Variants in CELA3B observed in about 807,000 individuals in gnomAD.
CELA3B encodes chymotrypsin like elastase 3B.
A neutral mutation model predicts 37.2 loss-of-function variants in CELA3B; 34 were observed. The observed-to-expected ratio is 0.91, with a 90% CI of 0.70 to 1.22. The LOEUF (loss-of-function observed/expected upper bound fraction) is 1.22. Among genes scored for constraint, CELA3B ranks in the 50% most tolerant of loss-of-function variants. CELA3B has a pLI of 0.00. For synonymous variants in CELA3B, 127 were observed against 143.5 expected, an observed-to-expected ratio of 0.89 and a Z score of 0.82; for missense variants, 340 against 363.1, an observed-to-expected ratio of 0.94 and a Z score of 0.52.
At chr1:21,998,266 A>G (rs1347281343) in exon 5 of CELA3B, 2 of 460,038 alleles carry the variant, frequency 4.3e-6, no homozygotes, top group African/African-American at 4.1e-5. Context: ...GACAATTTGA[A>G]CTTTGTTTGA....
intron 1 of CELA3B, 105 bp from the exon 2 acceptor site, chr1:21,978,264 T>C (rs1644782943): frequency 1.6e-6 from 2 of 1,221,508 alleles, no homozygotes; most frequent in South Asian, 1.2e-5. Context: ...GGGGCTTGCA[T>C]GGGGTCACAC....
chr1:21,979,446 TTC>T (rs1644791584), intron 2 of CELA3B, among the ~76,000 whole-genome samples: 1 of 104,428 alleles, frequency 9.6e-6, no homozygotes, highest in African/African-American at 3.7e-5. Flanking sequence ...TTCTTTTCTT[TTC>T]TTTTCTTTTT....
At chr1:21,987,632 G>C (rs1389545236) in intron 7 of CELA3B, 1 of 151,166 alleles carries the variant, frequency 6.6e-6, no homozygotes, top group Non-Finnish European at 1.5e-5. Context: ...CCTGGGAGTG[G>C]GGACCACCAG....
chr1:21,997,637 C>T (rs911041118), intron 4 of CELA3B, among the ~76,000 whole-genome samples: 24 of 149,752 alleles, frequency 1.6e-4, no homozygotes, highest in Non-Finnish European at 2.7e-4. Context: ...GGCAGTGAGC[C>T]GAGATCTAGC....
chr1:21,986,846 T>C (rs1395149999), intron 7 of CELA3B, 163 bp downstream of exon 7: 1 of 791,532 alleles, frequency 1.3e-6, no homozygotes, highest in Non-Finnish European at 2.0e-6. Context: ...TGTTTTCTGA[T>C]ACAGTGTGAC....
downstream of CELA3B, among the ~76,000 whole-genome samples, chr1:21,992,842 G>A (rs1043410014): frequency 6.6e-6 from 1 of 150,846 alleles, no homozygotes; most frequent in African/African-American, 2.5e-5. Context: ...ACACATGCCT[G>A]TAGTCCCAGC....
chr1:21,986,597 A>T lies in CELA3B; in HGVS notation c.709A>T (p.Ser237Cys). 6.2e-7 allele frequency: 1 copy of T among 1,614,082 alleles called. No homozygotes were observed. The highest frequency in any genetic ancestry group is 1.7e-5 in the Admixed American group (1 of 59,992). The change falls in exon 7 of 8, where the codon AGC (serine) becomes TGC (cysteine). Residue 237 changes from serine to cysteine, a missense_variant. Coordinates refer to ENST00000337107, the MANE Select transcript of CELA3B (RefSeq NM_007352.4). ...DGGWQVHGVT[S>C]FVSAFGCNTR... is the part of the protein sequence containing the mutation. ...TGGCTGGCAGGTCCATGGCGTGACC[A>T]GCTTTGTTTCTGCCTTTGGCTGCAA...
At chr1:21,992,074 C>T (rs550158690), downstream of CELA3B, among the ~76,000 whole-genome samples, 545 of 150,064 alleles carry the variant, frequency 3.6e-3, 12 homozygotes, top group Non-Finnish European at 6.1e-3. Context: ...GAGCTGAGAT[C>T]ATGCCATTGC....
Position 21,978,431 on chromosome 1 carries a change from G to A in CELA3B, c.106G>A (p.Val36Ile). 6.2e-7 allele frequency: 1 copy of A among 1,614,082 alleles called. No homozygotes were observed. Among genetic ancestry groups the A allele is most frequent in the South Asian group, 1.1e-5 (1 of 91,064 alleles). ...CCGCGTTGTCAATGGTGAGGATGCG[G>A]TCCCCTACAGCTGGCCCTGGCAGGT... The part of the protein sequence containing the change: ...SSRVVNGEDA[V>I]PYSWPWQVSL... The change falls in exon 2 of 8, where the codon GTC (valine) becomes ATC (isoleucine). Residue 36 changes from valine (V) to isoleucine (I), a missense_variant. Transcript: ENST00000337107.
intron 4 of CELA3B, among the ~76,000 whole-genome samples, chr1:21,995,047 A>G (rs904465750): frequency 6.8e-6 from 1 of 147,902 alleles, no homozygotes; most frequent in African/African-American, 2.5e-5. Flanking sequence ...TCACTTAGGC[A>G]GAGTGTCCTG....
intron 6 of CELA3B, among the ~76,000 whole-genome samples, chr1:21,984,902 G>A (rs1644828647): frequency 6.6e-6 from 1 of 151,604 alleles, no homozygotes; most frequent in Admixed American, 6.6e-5. Flanking sequence ...AGTGGAGATC[G>A]CACCATTGCA....
At chr1:21,989,663 A>G (rs944804885), downstream of CELA3B, among the ~76,000 whole-genome samples, 3 of 150,894 alleles carry the variant, frequency 2.0e-5, no homozygotes, top group African/African-American at 4.9e-5. Flanking sequence ...GCATATAAAC[A>G]TGGTAAAAAT....
chr1:21,980,380 G>C (rs1644796999), intron 2 of CELA3B, among the ~76,000 whole-genome samples: 1 of 152,226 alleles, frequency 6.6e-6, no homozygotes. Flanking sequence ...TGTGCAGGCT[G>C]AGGCAGGAGA....
At chr1:21,978,699 T>A (rs1316512804) in intron 2 of CELA3B, among the ~76,000 whole-genome samples, 33 of 151,320 alleles carry the variant, frequency 2.2e-4, no homozygotes, top group African/African-American at 7.6e-4. Flanking sequence ...ACTCAAGGAG[T>A]TGGCACACTG....
At chr1:21,988,630 G>A (rs1403444032) in intron 7 of CELA3B, among the ~76,000 whole-genome samples, 12 of 145,112 alleles carry the variant, frequency 8.3e-5, no homozygotes, top group East Asian at 4.0e-4. Flanking sequence ...GGTGGCTCAT[G>A]CCTGTAATCC....
At chr1:21,977,161 C>T in intron 1 of CELA3B, 79 bp downstream of exon 1, 2 of 1,591,096 alleles carry the variant, frequency 1.3e-6, no homozygotes, top group Non-Finnish European at 1.7e-6. Context: ...TGCTCTAAGT[C>T]CCATGACACC....
intron 4 of CELA3B, among the ~76,000 whole-genome samples, chr1:21,994,998 C>T (rs1163499567): frequency 1.7e-4 from 7 of 40,110 alleles, no homozygotes; most frequent in East Asian, 1.4e-3. Context: ...TGAGACTTGT[C>T]TCAAAAAAAA....
At chr1:21,977,116 C>T (rs771483425) in intron 1 of CELA3B, 34 bp downstream of exon 1, 1 of 1,613,936 alleles carries the variant, frequency 6.2e-7, no homozygotes, top group South Asian at 1.1e-5. Context: ...GCTCCCTGGG[C>T]TGCCCTAGAT....
At chr1:21,990,017 G>A (rs570433844), downstream of CELA3B, among the ~76,000 whole-genome samples, 88 of 150,940 alleles carry the variant, frequency 5.8e-4, 2 homozygotes, top group African/African-American at 1.4e-3. Flanking sequence ...AGATGAAGGG[G>A]AAGCAAGGGA....
Sources: allele counts gnomAD v4.1 joint callset (sites outside exome capture counted in the v4.1 genomes callset), GRCh38; gene constraint gnomAD v4.1.1; transcripts MANE v1.5; gene names NCBI Gene and HGNC (gene_info 2026-07-23, HGNC 2026-07-21).